LAIR1: variants seen among roughly 807,000 people sequenced by gnomAD.
LAIR1 encodes leukocyte-associated immunoglobulin-like receptor 1.
A neutral mutation model predicts 32.8 loss-of-function variants in LAIR1; 24 were observed. The observed-to-expected ratio is 0.73, with a 90% CI of 0.53 to 1.03. LAIR1 has a LOEUF of 1.03. Ranked by LOEUF, LAIR1 falls within the 50% of genes least tolerant of loss-of-function variation. The pLI is 0.00. For synonymous variants in LAIR1, 150 were observed against 140.5 expected (o/e 1.07, Z -0.48); for missense variants, 355 against 347.5 (o/e 1.02, Z -0.17).
upstream of LAIR1, among the ~76,000 whole-genome samples, chr19:54,373,244 C>T (rs530673672): frequency 3.1e-4 from 47 of 151,298 alleles, 1 homozygote; most frequent in East Asian, 5.6e-3. Context: ...TGATCGAGAC[C>T]ATCCTGGCCA....
At chr19:54,369,185 G>A (rs995601085), upstream of LAIR1, among the ~76,000 whole-genome samples, 1 of 151,226 alleles carries the variant, frequency 6.6e-6, no homozygotes, top group African/African-American at 2.5e-5. Flanking sequence ...GCTTTCTTTG[G>A]ATTTCATCAT....
chr19:54,375,475 TG>T (rs1457517088), upstream of LAIR1, among the ~76,000 whole-genome samples: 1 of 152,200 alleles, frequency 6.6e-6, no homozygotes, highest in South Asian at 2.1e-4. Flanking sequence ...TTCCTGTGAC[TG>T]GGGTAAAGGA....
rs570777148 is a variant in LAIR1 at position 54,355,813 on chromosome 19, C to T, written c.717+141G>A. On this transcript the variant is annotated intron_variant, in intron 9 of 9. Transcript: ENST00000391742. The surrounding 1 kb of genome is among the most constrained non-coding windows in gnomAD (Gnocchi z 4.7). The stretch of plus-strand genomic sequence containing the variant: ...GCCTTCGGATGCACACAGCCCTGGG[C>T]GACCTCTCGACAGCAACCTCAGGAC... The T allele has an allele frequency of 1.7e-5, 11 of 663,198 alleles. No individual in the cohort carries two copies. Among genetic ancestry groups the T allele is most frequent in the East Asian group, 8.0e-5 (3 of 37,518 alleles). 41.1% of individuals were successfully genotyped at this position (663,198 alleles called of 1,614,324 possible). A position where few individuals can be genotyped will look rare whatever the true frequency, so the allele number is the denominator to read the frequency against.
In LAIR1 at chr19:54,354,889, T is replaced by A. The variant is rs1241727166; in HGVS notation, c.*379A>T. The stretch of plus-strand genomic sequence containing the variant: ...ACCTAGGACAAGCTTGGAGGTGGCA[T>A]CACTGCTCAGGAAATCGGCTGATTG... On this transcript the variant is annotated 3_prime_UTR_variant, in exon 10 of 10. Coordinates refer to ENST00000391742, the MANE Select transcript of LAIR1 (RefSeq NM_002287.6). 5.3e-6 allele frequency: 1 copy of A among 189,586 alleles called. No homozygotes were observed. Among genetic ancestry groups the A allele is most frequent in the Non-Finnish European group, 1.1e-5 (1 of 93,162 alleles). The allele number at this position is 189,586 out of a possible 1,614,324, so 11.7% of individuals were successfully genotyped here. A position where few individuals can be genotyped will look rare whatever the true frequency, so the allele number is the denominator to read the frequency against.
rs199714928 is a variant in LAIR1 at position 54,354,437 on chromosome 19, T to C, written c.*831A>G. 1 allele frequency: 151,869 copies of C among 152,366 alleles called. 75,703 individuals are homozygous for C. The highest frequency in any genetic ancestry group is 1 in the Middle Eastern group (294 of 294). The allele number at this position is 152,366 out of a possible 1,614,324, so 9.4% of individuals were successfully genotyped here. ...TTCAGAATATCTAATGTATCGTATC[T>C]GTGGCGATGGGTGCGCTGAGGAATT... On this transcript the variant is annotated 3_prime_UTR_variant, in exon 10 of 10. Transcript: ENST00000391742.
chr19:54,368,162 G>A (rs2082314058), upstream of LAIR1: 1 of 152,184 alleles, frequency 6.6e-6, no homozygotes, highest in Non-Finnish European at 1.5e-5. Context: ...GCCTCAAGCT[G>A]AATACTGAAC....
the LAIR1 span, among the ~76,000 whole-genome samples, chr19:54,375,569 A>C: frequency 6.6e-6 from 1 of 152,202 alleles, no homozygotes; most frequent in Non-Finnish European, 1.5e-5. Flanking sequence ...CAGACGGGCA[A>C]CCACGGCTGT....
rs563512021 is a variant in LAIR1, at chr19:54,364,392, C to T, written c.35-62G>A. The T allele has an allele frequency of 5.2e-5, 83 of 1,609,380 alleles. 1 individual carries two copies. The South Asian group carries it at 8.8e-4, about 17-fold the overall frequency. ...CCCAGTCTCCTTACGGGGCTGCTGT[C>T]AAAAGGGGGCTCGATGGAGCTGGGG... On this transcript the variant is annotated intron_variant, in intron 1 of 9. Transcript: ENST00000391742. The surrounding 1 kb of genome is among the most constrained non-coding windows in gnomAD (Gnocchi z 4.8).
At chr19:54,358,466 G>A (rs573904960) in intron 4 of LAIR1, 3 of 1,229,418 alleles carry the variant, frequency 2.4e-6, no homozygotes, top group African/African-American at 3.2e-5. Context: ...ATTCTACATT[G>A]CAAATCATAT....
chr19:54,376,066 A>G, the LAIR1 span, among the ~76,000 whole-genome samples: 123 of 151,622 alleles, frequency 8.1e-4, 4 homozygotes, highest in South Asian at 0.025. Flanking sequence ...CTCTGTTACC[A>G]GTGAGGGGAA....
upstream of LAIR1, among the ~76,000 whole-genome samples, chr19:54,373,165 T>C (rs1275649886): frequency 6.7e-6 from 1 of 149,828 alleles, no homozygotes; most frequent in African/African-American, 2.5e-5. Context: ...AAGCCAGTCC[T>C]GGTGTGGTGG....
In LAIR1 at chr19:54,361,004, T is replaced by A. The variant is rs118056835; in HGVS notation, c.276A>T (p.Arg92Ser). Residue 92 changes from arginine (R) to serine (S), a missense_variant, in exon 3 of 10, where the codon AGA becomes AGT. Arg to Ser is a moderately radical substitution (Grantham distance 110). Transcript: ENST00000391742. ...SEARFRIDSV[R>S]EGNAGLYRCI... ...AGCGATAAAGCCCGGCATTTCCTTC[T>A]CTTACTGAGTCAATGCGGAATCTGG... 1,602,364 of 1,614,248 alleles carry A rather than the reference T, an allele frequency of 0.99. 795,625 individuals carry two copies. The highest frequency in any genetic ancestry group is 1 in the Admixed American group (60,025 of 60,034).
intron 2 of LAIR1, among the ~76,000 whole-genome samples, chr19:54,363,229 G>T (rs1421957739): frequency 6.6e-6 from 1 of 151,968 alleles, no homozygotes; most frequent in Non-Finnish European, 1.5e-5. Flanking sequence ...TCACCTGGGG[G>T]TGATGCAGGA....
At chr19:54,367,353 T>C (rs2082287545), upstream of LAIR1, among the ~76,000 whole-genome samples, 1 of 152,296 alleles carries the variant, frequency 6.6e-6, no homozygotes, top group South Asian at 2.1e-4. Context: ...CCCTGGTATA[T>C]CCTTCCAATC....
chr19:54,373,188 A>G (rs1453912593), upstream of LAIR1, among the ~76,000 whole-genome samples: 1 of 151,124 alleles, frequency 6.6e-6, no homozygotes, highest in Non-Finnish European at 1.5e-5. Flanking sequence ...CACGCCTGTA[A>G]TCCCAGCACT....
upstream of LAIR1, among the ~76,000 whole-genome samples, chr19:54,374,047 C>G (rs1355176433): frequency 6.6e-6 from 1 of 152,124 alleles, no homozygotes; most frequent in Non-Finnish European, 1.5e-5. Context: ...GGGGTAGCCA[C>G]TTCCCAGAGG....
upstream of LAIR1, among the ~76,000 whole-genome samples, chr19:54,373,007 G>A (rs1213063077): frequency 6.6e-6 from 1 of 150,824 alleles, no homozygotes; most frequent in East Asian, 1.9e-4. Context: ...GCGGGCGCCT[G>A]TAATCCCAGC....
At position 54,356,412 on chromosome 19, in the gene LAIR1, G is replaced by A. The variant is rs745988410; in HGVS notation, c.584-14C>T. On this transcript the variant is annotated splice_polypyrimidine_tract_variant and intron_variant, in intron 6 of 9. Coordinates refer to ENST00000391742, the MANE Select transcript of LAIR1 (RefSeq NM_002287.6). ...TTCTGGGGGGCCCTAAGGACAGTCGGGGTGTGAATTAAGGAGACCTTCTTC... is the reference window on the plus strand; with the variant it reads ...TTCTGGGGGGCCCTAAGGACAGTCGAGGTGTGAATTAAGGAGACCTTCTTC... 6.2e-7 allele frequency: 1 copy of A among 1,602,918 alleles called. No individual in the cohort carries two copies. The highest frequency in any genetic ancestry group is 1.1e-5 in the South Asian group (1 of 89,622).
At chr19:54,375,963 C>T in the LAIR1 span, among the ~76,000 whole-genome samples, 2 of 151,678 alleles carry the variant, frequency 1.3e-5, no homozygotes, top group Non-Finnish European at 2.9e-5. Context: ...ATATGGGGGC[C>T]CCCGGTTGGC....
Sources: gnomAD v4.1 joint callset for allele counts (sites outside exome capture counted in the v4.1 genomes callset) on GRCh38, gnomAD v4.1.1 for gene constraint, Gnocchi (gnomAD v3.1) non-coding constraint, MANE v1.5 for transcripts, NCBI Gene and HGNC (gene_info 2026-07-23, HGNC 2026-07-21) for gene names.